The following SORBS2 variants were observed in gnomAD, a reference collection of about 807,000 sequenced individuals.
SORBS2 encodes sorbin and SH3 domain containing 2.
A neutral mutation model predicts 97.7 loss-of-function variants in SORBS2; 46 were observed. The observed-to-expected ratio is 0.47, with a 90% CI of 0.37 to 0.60. The LOEUF is 0.60. Ranked by LOEUF, SORBS2 falls within the 20% of genes least tolerant of loss-of-function variation. The pLI is 0.00. For synonymous variants in SORBS2, 476 were observed against 473.4 expected, an observed-to-expected ratio of 1.01 and a Z score of -0.07; for missense variants, 1,316 against 1,282.3, an observed-to-expected ratio of 1.03 and a Z score of -0.40.
intron 2 of SORBS2, 34 bp from the exon 12 acceptor site, chr4:185,649,690 CAG>C: frequency 7.7e-7 from 1 of 1,305,484 alleles, no homozygotes; most frequent in Non-Finnish European, 1.0e-6. Flanking sequence ...AGACAAAAAA[CAG>C]AAGCAAATCA....
chr4:185,677,153 T>A, intron 4 of SORBS2: 4 of 1,551,668 alleles, frequency 2.6e-6, no homozygotes, highest in Non-Finnish European at 3.5e-6. Context: ...TGGAAAGAGA[T>A]GCTGTGTGTG....
chr4:185,813,024 G>C (rs1490343604), intron 1 of SORBS2: 1 of 152,090 alleles, frequency 6.6e-6, no homozygotes, highest in Non-Finnish European at 1.5e-5. Flanking sequence ...CACCTCCTCT[G>C]GGAATCTACC....
In SORBS2 at chr4:185,673,976, G is replaced by A. The variant is rs1460610413; in HGVS notation, c.-46+4447C>T. Among the ~76,000 whole-genome samples the A allele has an allele frequency of 2.0e-5, 3 of 152,068 alleles. No homozygotes were observed. In the East Asian group the frequency reaches 5.8e-4, roughly 29 times the overall value. ...GACACTGCTTTCAGTCTCCTCCACT[G>A]CTTCTTCCTCTTAATGTTGAGATTC... On this transcript the variant is annotated intron_variant, in intron 4 of 20. Coordinates refer to the SORBS2 transcript ENST00000284776.
chr4:185,806,037 C>A (rs2099152033), intron 1 of SORBS2, among the ~76,000 whole-genome samples: 1 of 152,208 alleles, frequency 6.6e-6, no homozygotes, highest in South Asian at 2.1e-4. Context: ...AAAGTGTAGG[C>A]AACCTGTATG....
chr4:185,748,947 G>A (rs1360408988), intron 2 of SORBS2, among the ~76,000 whole-genome samples: 1 of 152,176 alleles, frequency 6.6e-6, no homozygotes, highest in Non-Finnish European at 1.5e-5. Context: ...AGGACCTGGG[G>A]AAGAATGCAG....
At chr4:185,769,219 C>G (rs550509336) in intron 2 of SORBS2, among the ~76,000 whole-genome samples, 1 of 152,116 alleles carries the variant, frequency 6.6e-6, no homozygotes, top group Non-Finnish European at 1.5e-5. Flanking sequence ...GGGGACAGGA[C>G]CCAGATCCAA....
At chr4:185,652,547 G>C in intron 2 of SORBS2, 115 bp downstream of exon 10, 1 of 799,856 alleles carries the variant, frequency 1.3e-6, no homozygotes, top group Non-Finnish European at 2.2e-6. Flanking sequence ...AAAAGAAAGG[G>C]GACACGGAGT....
chr4:185,616,345 G>C (rs1215429430), intron 9 of SORBS2, among the ~76,000 whole-genome samples: 1 of 152,156 alleles, frequency 6.6e-6, no homozygotes, highest in African/African-American at 2.4e-5. Flanking sequence ...CTTCACAATT[G>C]AAAATGTGTT....
chr4:185,839,111 T>A (rs1173264774), intron 1 of SORBS2, among the ~76,000 whole-genome samples: 2 of 152,224 alleles, frequency 1.3e-5, no homozygotes. Context: ...TAACATGCAG[T>A]CTGTCCTCAG....
intron 2 of SORBS2, chr4:185,771,666 A>T (rs1009057466): frequency 1.3e-5 from 2 of 152,232 alleles, no homozygotes; most frequent in African/African-American, 4.8e-5. Flanking sequence ...TATATAAGTG[A>T]CTATGAAATT....
rs762395387 is a variant in SORBS2, at chr4:185,885,281, C to T, written c.-338+70915G>A. 8.5e-5 allele frequency among the ~76,000 whole-genome samples: 13 copies of T among 152,356 alleles called. No homozygotes were observed. In the South Asian group the frequency reaches 1.7e-3, roughly 19 times the overall value. On this transcript the variant is annotated intron_variant, in intron 1 of 20. Transcript: ENST00000284776. ...GCCCAAGGGCGAGGAAAAGCCCGCTCTTGTGCTTTCACATTTCTGCCCTTG... is the reference window on the plus strand; with the variant it reads ...GCCCAAGGGCGAGGAAAAGCCCGCTTTTGTGCTTTCACATTTCTGCCCTTG...
At chr4:185,745,266 C>T (rs2098752917) in intron 2 of SORBS2, among the ~76,000 whole-genome samples, 6 of 152,038 alleles carry the variant, frequency 3.9e-5, no homozygotes, top group South Asian at 4.2e-4. Context: ...GAGTGCATGC[C>T]GGTGGTAGGG....
intron 1 of SORBS2, among the ~76,000 whole-genome samples, chr4:185,939,523 T>G (rs2099270780): frequency 6.6e-6 from 1 of 152,158 alleles, no homozygotes; most frequent in African/African-American, 2.4e-5. Flanking sequence ...CTTTCTTTTT[T>G]TTTTGAGATG....
rs142143627 is a variant in SORBS2 at position 185,621,139 on chromosome 4, C to T, written c.2216-988G>A. Among the ~76,000 whole-genome samples, 17 of 152,130 alleles carry T rather than the reference C, an allele frequency of 1.1e-4. No individual in the cohort carries two copies. In the East Asian group the frequency reaches 3.1e-3, roughly 28 times the overall value. On this transcript the variant is annotated intron_variant, in intron 7 of 14. Coordinates refer to ENST00000418609, the Ensembl canonical transcript of SORBS2. ...TCTAGTTATCCAGACTAACAAGAAG[C>T]ATTAAAAATAAAATTTATTTTATCC...
At chr4:185,635,272 G>T in intron 4 of SORBS2, 83 bp downstream of exon 16, 1 of 1,006,530 alleles carries the variant, frequency 9.9e-7, no homozygotes, top group South Asian at 1.4e-5. Context: ...ACATTACAGA[G>T]AATTGTAAAA....
intron 1 of SORBS2, among the ~76,000 whole-genome samples, chr4:185,783,816 A>G (rs1215522021): frequency 1.3e-5 from 2 of 152,194 alleles, no homozygotes; most frequent in East Asian, 3.9e-4. Context: ...TTTTCTTGGC[A>G]AGAATTCCTT....
At chr4:185,835,394 C>T (rs186537946) in intron 1 of SORBS2, among the ~76,000 whole-genome samples, 12 of 152,260 alleles carry the variant, frequency 7.9e-5, no homozygotes, top group Admixed American at 4.6e-4. Context: ...TCAATTCTAA[C>T]GGTGTTCAAA....
intron 4 of SORBS2, chr4:185,674,996 G>C (rs1207232923): frequency 6.6e-6 from 1 of 152,092 alleles, no homozygotes; most frequent in Non-Finnish European, 1.5e-5. Flanking sequence ...AGCAGGAATG[G>C]TTTCAAATCC....
At chr4:185,855,048 G>A (rs893742242) in intron 1 of SORBS2, among the ~76,000 whole-genome samples, 1 of 152,050 alleles carries the variant, frequency 6.6e-6, no homozygotes, top group Admixed American at 6.6e-5. Flanking sequence ...TAATAATAAA[G>A]ACCAGTCTAA....
Sources: allele counts gnomAD v4.1 joint callset (sites outside exome capture counted in the v4.1 genomes callset), GRCh38; gene constraint gnomAD v4.1.1; transcripts MANE v1.5; gene names NCBI Gene and HGNC (gene_info 2026-07-23, HGNC 2026-07-21).